The following PACRG variants were observed in gnomAD, a reference collection of about 807,000 sequenced individuals.
The protein encoded by PACRG is parkin coregulated.
A neutral mutation model predicts 29.7 loss-of-function variants in PACRG; 29 were observed. That is an observed-to-expected ratio of 0.98 (90% CI 0.73 to 1.33). The LOEUF (loss-of-function observed/expected upper bound fraction) is 1.33, where lower values mean the gene tolerates loss of function less well. Ranked by LOEUF, PACRG falls within the 40% of genes most tolerant of loss-of-function variation. The pLI, the probability that PACRG is intolerant of heterozygous loss-of-function variation, is 0.00. For missense variants in PACRG, 279 were observed against 316.2 expected, an observed-to-expected ratio of 0.88 and a Z score of 0.89; for synonymous variants, 116 against 118.7, an observed-to-expected ratio of 0.98 and a Z score of 0.15.
chr6:162,930,144 G>T (rs1172416558), intron 2 of PACRG, among the ~76,000 whole-genome samples: 1 of 151,844 alleles, frequency 6.6e-6, no homozygotes. Context: ...AATGTCATTG[G>T]TATTTTGATA....
intron 1 of PACRG, among the ~76,000 whole-genome samples, chr6:162,807,853 C>G (rs777406029): frequency 3.3e-5 from 5 of 152,102 alleles, no homozygotes; most frequent in Non-Finnish European, 7.4e-5. Context: ...CACAATAAAC[C>G]AAAGTGCAAT....
chr6:163,299,233 G>T (rs765183015), intron 4 of PACRG, among the ~76,000 whole-genome samples: 90 of 152,182 alleles, frequency 5.9e-4, no homozygotes, highest in Non-Finnish European at 1.1e-3. Flanking sequence ...TTATTGCCTT[G>T]TTCTTTTATC....
intron 4 of PACRG, among the ~76,000 whole-genome samples, chr6:163,208,843 T>A (rs982933596): frequency 3.3e-5 from 5 of 152,204 alleles, no homozygotes; most frequent in African/African-American, 1.2e-4. Context: ...AAAGTACCGG[T>A]CTACAAAAAT....
chr6:163,034,424 C>T (rs1807967503), intron 2 of PACRG, among the ~76,000 whole-genome samples: 1 of 152,126 alleles, frequency 6.6e-6, no homozygotes, highest in Non-Finnish European at 1.5e-5. Context: ...CAAGAGGGGC[C>T]TCTAAACCCC....
chr6:163,156,331 C>G (rs1445779831), intron 4 of PACRG, among the ~76,000 whole-genome samples: 2 of 152,190 alleles, frequency 1.3e-5, no homozygotes, highest in Admixed American at 1.3e-4. Flanking sequence ...CTTCCCCAAG[C>G]CTGCTGCTTG....
chr6:162,787,985 T>C (rs754581634), intron 1 of PACRG, among the ~76,000 whole-genome samples: 1 of 152,098 alleles, frequency 6.6e-6, no homozygotes, highest in Non-Finnish European at 1.5e-5. Context: ...CCTGCACCAG[T>C]GTGGTACGTT....
chr6:162,730,057 G>GTCTCTC lies in PACRG; in HGVS notation c.156+1668_156+1673dup, dbSNP rs57003457. ...TCATCTATTTATTCAGTCAACAACT[G>GTCTCTC]TCTCTCTTTTTTTTTTTTTTAATAC... On this transcript the variant is annotated intron_variant, in intron 1 of 4. Coordinates refer to ENST00000366888, the MANE Select transcript of PACRG (RefSeq NM_001080379.2). Among the ~76,000 whole-genome samples, 458 of 132,950 alleles carry GTCTCTC rather than the reference G, an allele frequency of 3.4e-3. 2 individuals are homozygous for GTCTCTC. The highest frequency in any genetic ancestry group is 0.016 in the South Asian group (71 of 4,462). 87.2% of individuals were successfully genotyped at this position (132,950 alleles called of 152,430 possible).
At chr6:162,834,709 C>A (rs913601202) in intron 2 of PACRG, among the ~76,000 whole-genome samples, 14 of 151,816 alleles carry the variant, frequency 9.2e-5, no homozygotes, top group Admixed American at 5.9e-4. Context: ...TGTCCTGTAT[C>A]TGAATGTAGA....
intron 2 of PACRG, among the ~76,000 whole-genome samples, chr6:163,056,993 A>C (rs947754455): frequency 6.6e-6 from 1 of 152,212 alleles, no homozygotes; most frequent in Non-Finnish European, 1.5e-5. Flanking sequence ...AAGCACCTCT[A>C]GTCTTCAGAA....
intron 1 of PACRG, among the ~76,000 whole-genome samples, chr6:162,757,598 C>T (rs1009331177): frequency 3.9e-5 from 6 of 152,062 alleles, no homozygotes; most frequent in African/African-American, 1.2e-4. Flanking sequence ...ATCCCAGCTA[C>T]TTGGGAGGCT....
At chr6:163,123,958 T>C (rs1186355226) in intron 4 of PACRG, among the ~76,000 whole-genome samples, 1 of 152,228 alleles carries the variant, frequency 6.6e-6, no homozygotes, top group Admixed American at 6.5e-5. Context: ...GGAGTGCAGA[T>C]GTTTCTTCGA....
Position 163,089,362 on chromosome 6 carries a change from T to C in PACRG, c.567T>C (p.Tyr189=). 1.2e-6 allele frequency: 2 copies of C among 1,614,178 alleles called. No individual in the cohort carries two copies. Residue 189 remains tyrosine, a synonymous_variant, in exon 4 of 5, where the codon TAT becomes TAC. Coordinates refer to ENST00000366888, the MANE Select transcript of PACRG (RefSeq NM_001080379.2). ...TGGTGGGCAAGGCCTTGGTGCCTTATTACCGTCAAATCCTCCCTGTCCTGA... is the reference window on the plus strand; with the variant it reads ...TGGTGGGCAAGGCCTTGGTGCCTTACTACCGTCAAATCCTCCCTGTCCTGA... ...AEMVGKALVP[Y]YRQILPVLNI...
At chr6:163,272,892 C>CTTTTTTTTTTTTTTTTTTTTTTT (rs200076248) in intron 4 of PACRG, among the ~76,000 whole-genome samples, 1 of 109,480 alleles carries the variant, frequency 9.1e-6, no homozygotes, top group Non-Finnish European at 1.8e-5. Context: ...ATGCATCATT[C>CTTTTTTTTTTTTTTTTTTTTTTT]TTTTTTTTTT....
chr6:162,924,345 T>A (rs1278792936), intron 2 of PACRG, among the ~76,000 whole-genome samples: 8 of 152,100 alleles, frequency 5.3e-5, no homozygotes, highest in Non-Finnish European at 1.2e-4. Flanking sequence ...AGGAACATTT[T>A]GATTTCCTCT....
At chr6:162,810,087 T>C (rs192111673) in intron 1 of PACRG, among the ~76,000 whole-genome samples, 1 of 152,194 alleles carries the variant, frequency 6.6e-6, no homozygotes, top group African/African-American at 2.4e-5. Context: ...GGGGGAGCAG[T>C]AATGAGTCAC....
At chr6:162,810,722 G>C (rs1786783148) in intron 1 of PACRG, among the ~76,000 whole-genome samples, 1 of 152,136 alleles carries the variant, frequency 6.6e-6, no homozygotes, top group African/African-American at 2.4e-5. Context: ...CTTGAAGATA[G>C]AGCAGTAGAA....
chr6:163,101,303 T>C, intron 4 of PACRG: 1 of 983,354 alleles, frequency 1.0e-6, no homozygotes, highest in Non-Finnish European at 1.2e-6. Context: ...CTGGTAATTT[T>C]CCCACTATTT....
At chr6:162,937,090 C>G (rs4392703) in intron 2 of PACRG, among the ~76,000 whole-genome samples, 1 of 152,138 alleles carries the variant, frequency 6.6e-6, no homozygotes, top group Non-Finnish European at 1.5e-5. Flanking sequence ...AAAGAAAGGT[C>G]TAGACTGATG....
chr6:162,885,265 T>G (rs1036999744), intron 2 of PACRG, among the ~76,000 whole-genome samples: 2 of 150,488 alleles, frequency 1.3e-5, no homozygotes, highest in African/African-American at 4.9e-5. Context: ...GCTTTCTTTC[T>G]CTTTTTTTTT....
Sources: allele counts gnomAD v4.1 joint callset (sites outside exome capture counted in the v4.1 genomes callset), GRCh38; gene constraint gnomAD v4.1.1; transcripts MANE v1.5; gene names NCBI Gene and HGNC (gene_info 2026-07-23, HGNC 2026-07-21).